Variants in OCA2 observed in about 807,000 individuals in gnomAD.
OCA2 encodes P protein.
In OCA2, 77 loss-of-function variants were observed where a neutral mutation model predicts 100.2. The ratio of observed to expected loss-of-function variants is 0.77; its 90% CI spans 0.64 to 0.93. The LOEUF is 0.93. Ranked by LOEUF, OCA2 falls within the 40% of genes least tolerant of loss-of-function variation. The pLI is 0.00. For missense variants in OCA2, 1,062 were observed against 1,089.1 expected (o/e 0.98, Z 0.35); for synonymous variants, 432 against 439.2 (o/e 0.98, Z 0.21).
At chr15:28,098,371 G>C (rs1272276933) in intron 1 of OCA2, among the ~76,000 whole-genome samples, 3 of 152,208 alleles carry the variant, frequency 2.0e-5, no homozygotes, top group Non-Finnish European at 2.9e-5. Flanking sequence ...CCGTCCCAGG[G>C]TCCTGGATGG....
chr15:27,837,417 C>T (rs558257762), intron 23 of OCA2, among the ~76,000 whole-genome samples: 5 of 152,202 alleles, frequency 3.3e-5, no homozygotes, highest in Non-Finnish European at 2.9e-5. Flanking sequence ...GCCTGCCTTT[C>T]GACATAACTA....
rs556679414 is a variant in OCA2, at chr15:27,954,766, G to A, written c.1842+392C>T. Among the ~76,000 whole-genome samples the A allele has an allele frequency of 8.6e-5, 13 of 151,622 alleles. No homozygotes were observed. The East Asian group carries it at 2.3e-3, about 27-fold the overall frequency. Reference sequence around the variant, plus strand: ...TCACAGCCATCGGCAGCACACTCACGCATCCTATGTCTGCCCCTAAAGCTG... The same window carrying A: ...TCACAGCCATCGGCAGCACACTCACACATCCTATGTCTGCCCCTAAAGCTG... On this transcript the variant is annotated intron_variant, in intron 17 of 23. Transcript: ENST00000354638.
At chr15:27,911,850 A>G (rs533274271) in intron 19 of OCA2, among the ~76,000 whole-genome samples, 1 of 152,192 alleles carries the variant, frequency 6.6e-6, no homozygotes, top group Non-Finnish European at 1.5e-5. Context: ...TAACATAAAC[A>G]TACTGAAGGC....
At chr15:27,983,030 T>C (rs572432864) in intron 14 of OCA2, among the ~76,000 whole-genome samples, 10 of 152,328 alleles carry the variant, frequency 6.6e-5, no homozygotes, top group African/African-American at 2.2e-4. Flanking sequence ...GTCATTTTGT[T>C]TTTAATGTAG....
chr15:27,838,630 AC>A (rs1415383525), intron 23 of OCA2, among the ~76,000 whole-genome samples: 1 of 151,860 alleles, frequency 6.6e-6, no homozygotes, highest in Non-Finnish European at 1.5e-5. Flanking sequence ...AATTTGTAAA[AC>A]CCTCCAAGCC....
intron 9 of OCA2, among the ~76,000 whole-genome samples, chr15:28,006,534 G>A (rs546762401): frequency 3.3e-5 from 5 of 152,322 alleles, no homozygotes; most frequent in East Asian, 3.9e-4. Flanking sequence ...GTCCCATCCC[G>A]ACTCCTTCAA....
At chr15:27,970,888 C>A (rs973952528) in intron 14 of OCA2, among the ~76,000 whole-genome samples, 2 of 149,930 alleles carry the variant, frequency 1.3e-5, no homozygotes, top group Admixed American at 1.3e-4. Context: ...AAGAACGTGG[C>A]AGCACCCACG....
intron 23 of OCA2, among the ~76,000 whole-genome samples, chr15:27,787,508 C>G (rs990283327): frequency 5.3e-5 from 8 of 151,974 alleles, no homozygotes; most frequent in African/African-American, 1.9e-4. Flanking sequence ...GCCATTTTAT[C>G]TAAGTTGTCT....
chr15:27,787,120 C>T (rs1466282736), intron 23 of OCA2, among the ~76,000 whole-genome samples: 1 of 152,096 alleles, frequency 6.6e-6, no homozygotes, highest in East Asian at 1.9e-4. Flanking sequence ...GCAAATCTTG[C>T]ATTACCGTTA....
rs1378595684 is a variant in OCA2 at position 28,099,011 on chromosome 15, G to C, written c.-22+213C>G. ...GGTCGCCTGGCAGAGAGCCGGAGGG[G>C]GTGCTCAGGGGGCAGCTGCTGCAGG... On this transcript the variant is annotated intron_variant, in intron 1 of 23. Coordinates refer to ENST00000354638, the MANE Select transcript of OCA2 (RefSeq NM_000275.3). The C allele has an allele frequency of 1.9e-5, 3 of 154,070 alleles. No homozygotes were observed. In the Admixed American group the frequency reaches 2.0e-4, roughly 10 times the overall value. 9.5% of individuals were successfully genotyped at this position (154,070 alleles called of 1,614,324 possible). A position where few individuals can be genotyped will look rare whatever the true frequency, so the allele number is the denominator to read the frequency against.
intron 19 of OCA2, among the ~76,000 whole-genome samples, chr15:27,885,118 T>C (rs1222430314): frequency 6.6e-6 from 1 of 152,182 alleles, no homozygotes; most frequent in African/African-American, 2.4e-5. Flanking sequence ...CTATAGTTTA[T>C]GAGGAAAGGT....
At chr15:28,041,241 A>G (rs2043191555) in intron 2 of OCA2, among the ~76,000 whole-genome samples, 1 of 129,804 alleles carries the variant, frequency 7.7e-6, no homozygotes, top group Non-Finnish European at 1.5e-5. Flanking sequence ...ATACACATTA[A>G]CACAGTAAAG....
chr15:27,853,900 G>A (rs1425793872), intron 21 of OCA2, among the ~76,000 whole-genome samples: 1 of 152,238 alleles, frequency 6.6e-6, no homozygotes, highest in East Asian at 1.9e-4. Context: ...TGTGAATGAT[G>A]TGCAATAATA....
chr15:28,054,902 ATG>A (rs1267895721), intron 2 of OCA2, among the ~76,000 whole-genome samples: 1 of 152,230 alleles, frequency 6.6e-6, no homozygotes, highest in Non-Finnish European at 1.5e-5. Context: ...AGAGAGAAGA[ATG>A]AGAGCAGAGC....
the OCA2 span, among the ~76,000 whole-genome samples, chr15:27,738,471 C>G: frequency 6.6e-6 from 1 of 152,168 alleles, no homozygotes; most frequent in African/African-American, 2.4e-5. Flanking sequence ...CGCGGTGGCT[C>G]ATGCCTGTAA....
the OCA2 span, among the ~76,000 whole-genome samples, chr15:27,721,884 A>G: frequency 6.6e-6 from 1 of 151,594 alleles, no homozygotes; most frequent in Non-Finnish European, 1.5e-5. Context: ...AAGTGACAAG[A>G]AGAAAATATC....
intron 9 of OCA2, among the ~76,000 whole-genome samples, chr15:27,997,722 T>G (rs542379956): frequency 9.7e-5 from 11 of 113,312 alleles, no homozygotes; most frequent in African/African-American, 2.8e-4. Context: ...AAGAAAGTCA[T>G]TGGTAGCTTG....
the OCA2 span, among the ~76,000 whole-genome samples, chr15:27,722,814 T>C: frequency 0.04 from 5,430 of 134,688 alleles, 338 homozygotes; most frequent in African/African-American, 0.14. Flanking sequence ...CTCTCTCTCT[T>C]TCTCTCTCTC....
At chr15:28,088,720 T>C (rs1461540077) in intron 1 of OCA2, among the ~76,000 whole-genome samples, 1 of 152,050 alleles carries the variant, frequency 6.6e-6, no homozygotes, top group Admixed American at 6.6e-5. Context: ...AGTACATGAA[T>C]AGGGTGTGGG....
Sources: gnomAD v4.1 joint callset for allele counts (sites outside exome capture counted in the v4.1 genomes callset) on GRCh38, gnomAD v4.1.1 for gene constraint, MANE v1.5 for transcripts, NCBI Gene and HGNC (gene_info 2026-07-23, HGNC 2026-07-21) for gene names.